DMD: variants seen among roughly 807,000 people sequenced by gnomAD.
The protein encoded by DMD is dystrophin, also known as mutant dystrophin.
A neutral mutation model predicts 330.1 loss-of-function variants in DMD; 63 were observed. The observed-to-expected ratio is 0.19, with a 90% CI of 0.16 to 0.24. The LOEUF (loss-of-function observed/expected upper bound fraction) is 0.24. Ranked by LOEUF, DMD falls within the 10% of genes least tolerant of loss-of-function variation. The pLI, the probability that DMD is intolerant of heterozygous loss-of-function variation, is 1.00. For synonymous variants in DMD, 1,223 were observed against 959.8 expected (o/e 1.27, Z -5.07); for missense variants, 3,344 against 2,684.1 (o/e 1.25, Z -5.43).
chrX:31,558,594 CTG>C (rs1016369410), intron 55 of DMD, among the ~76,000 whole-genome samples: 3 of 110,654 alleles, frequency 2.7e-5, no homozygotes, highest in Non-Finnish European at 5.7e-5. Flanking sequence ...AGAAGTGAAT[CTG>C]TGCACAAAAG....
chrX:31,932,694 C>T (rs1488554670), intron 45 of DMD, among the ~76,000 whole-genome samples: 1 of 111,778 alleles, frequency 8.9e-6, no homozygotes, highest in Admixed American at 9.5e-5. Context: ...TGCAGTAAGC[C>T]GAGATCGTGC....
intron 1 of DMD, among the ~76,000 whole-genome samples, chrX:33,104,752 A>C (rs759472049): frequency 8.9e-6 from 1 of 112,299 alleles, no homozygotes; most frequent in East Asian, 2.8e-4. Flanking sequence ...ACGCCCAAGT[A>C]AGAAAAGTGA....
At chrX:31,539,513 A>G (rs2073660850) in intron 55 of DMD, among the ~76,000 whole-genome samples, 1 of 112,123 alleles carries the variant, frequency 8.9e-6, no homozygotes, top group Non-Finnish European at 1.9e-5. Flanking sequence ...TGGATATGCC[A>G]TGTGAGAACA....
At chrX:32,841,713 A>G (rs901329487) in intron 4 of DMD, among the ~76,000 whole-genome samples, 8 of 112,270 alleles carry the variant, frequency 7.1e-5, no homozygotes, top group Non-Finnish European at 1.5e-4. Flanking sequence ...AAACAGATCC[A>G]AAAACAAAAT....
At chrX:31,699,115 A>G (rs779382890) in intron 52 of DMD, among the ~76,000 whole-genome samples, 4 of 112,046 alleles carry the variant, frequency 3.6e-5, no homozygotes, top group Non-Finnish European at 7.5e-5. Flanking sequence ...AGGCACTGAG[A>G]AAAGTACCTG....
chrX:33,288,096 TA>T (rs778980845), intron 1 of DMD, among the ~76,000 whole-genome samples: 7 of 111,901 alleles, frequency 6.3e-5, no homozygotes, highest in Admixed American at 3.8e-4. Flanking sequence ...TTAAGGATTA[TA>T]AAAAACCAGA....
At chrX:31,333,419 T>C (rs1234925178) in intron 61 of DMD, among the ~76,000 whole-genome samples, 1 of 92,812 alleles carries the variant, frequency 1.1e-5, no homozygotes, top group Non-Finnish European at 2.1e-5. Context: ...TTTTTTTTTT[T>C]TTTTTTTTTT....
intron 2 of DMD, among the ~76,000 whole-genome samples, chrX:32,868,439 AC>A (rs1341512271): frequency 1.8e-5 from 2 of 111,556 alleles, no homozygotes; most frequent in Non-Finnish European, 3.8e-5. Flanking sequence ...ACCTAAGAGA[AC>A]TGAGCTGCTG....
At chrX:33,293,533 C>T (rs1195977373) in intron 1 of DMD, among the ~76,000 whole-genome samples, 2 of 111,561 alleles carry the variant, frequency 1.8e-5, no homozygotes, top group African/African-American at 6.5e-5. Flanking sequence ...ATGGACTTCT[C>T]TTCCTAGAAG....
intron 50 of DMD, among the ~76,000 whole-genome samples, chrX:31,800,097 C>A (rs1259347513): frequency 8.9e-6 from 1 of 112,479 alleles, no homozygotes; most frequent in Non-Finnish European, 1.9e-5. Flanking sequence ...ATCAGCATTT[C>A]TGACTATTCT....
intron 51 of DMD, among the ~76,000 whole-genome samples, chrX:31,746,835 AAG>A (rs373309243): frequency 2.7e-5 from 3 of 110,743 alleles, no homozygotes; most frequent in African/African-American, 9.8e-5. Flanking sequence ...CCGAATGGAG[AAG>A]AGAGGTATGA....
chrX:33,328,341 C>T (rs1013256255), intron 1 of DMD, among the ~76,000 whole-genome samples: 4 of 110,267 alleles, frequency 3.6e-5, no homozygotes, highest in Non-Finnish European at 7.6e-5. Context: ...GTAGCTGGGA[C>T]TACAGGCACG....
chrX:31,217,270 T>C (rs1276543102), intron 64 of DMD, among the ~76,000 whole-genome samples: 1 of 112,157 alleles, frequency 8.9e-6, no homozygotes, highest in Non-Finnish European at 1.9e-5. Flanking sequence ...TCATTTCCAA[T>C]GTGTTGAGAG....
chrX:33,210,661 A>G (rs1176726577), intron 1 of DMD, among the ~76,000 whole-genome samples: 3 of 111,768 alleles, frequency 2.7e-5, no homozygotes, highest in Non-Finnish European at 5.7e-5. Context: ...ATTATTTGAA[A>G]TAATTATCAT....
intron 1 of DMD, among the ~76,000 whole-genome samples, chrX:33,277,180 A>G (rs2053248782): frequency 9.0e-6 from 1 of 111,256 alleles, no homozygotes; most frequent in Non-Finnish European, 1.9e-5. Flanking sequence ...AAGGGGCTGC[A>G]TACAGCATGA....
At chrX:32,923,336 G>A (rs1369386089) in intron 2 of DMD, among the ~76,000 whole-genome samples, 2 of 110,853 alleles carry the variant, frequency 1.8e-5, no homozygotes, top group Non-Finnish European at 3.8e-5. Context: ...CAAGGCAGGG[G>A]GATCACTTGA....
chrX:31,152,992 A>G (rs1324187855), intron 74 of DMD, among the ~76,000 whole-genome samples: 1 of 112,291 alleles, frequency 8.9e-6, no homozygotes, highest in African/African-American at 3.2e-5. Flanking sequence ...ATGTGTGTGT[A>G]CTTTAATATT....
At chrX:32,529,377 AACTTTTTTTTTTTTTTTTTTTTT>A in intron 17 of DMD, among the ~76,000 whole-genome samples, 1 of 81,064 alleles carries the variant, frequency 1.2e-5, no homozygotes, top group Admixed American at 1.7e-4. Context: ...GGCAAAAATC[AACTTTTTTTTTTTTTTTTTTTTT>A]TTTTTTTTTT....
chrX:31,664,825 G>C (rs757073677), intron 53 of DMD, among the ~76,000 whole-genome samples: 1 of 109,206 alleles, frequency 9.2e-6, no homozygotes, highest in Admixed American at 9.9e-5. Flanking sequence ...ATACAACTGC[G>C]TAAATGATCT....
Sources: allele counts gnomAD v4.1 joint callset (sites outside exome capture counted in the v4.1 genomes callset), GRCh38; gene constraint gnomAD v4.1.1; transcripts MANE v1.5; gene names NCBI Gene and HGNC (gene_info 2026-07-23, HGNC 2026-07-21).